TSPAN15: variants seen among roughly 807,000 people sequenced by gnomAD.
TSPAN15 encodes tetraspanin-15.
In TSPAN15, 20 loss-of-function variants were observed where a neutral mutation model predicts 34.5. That is an observed-to-expected ratio of 0.58 (90% CI 0.41 to 0.84). The LOEUF (loss-of-function observed/expected upper bound fraction) is 0.84. Among genes scored for constraint, TSPAN15 ranks in the 40% least tolerant of loss-of-function variants. The pLI is 0.00. For missense variants in TSPAN15, 313 were observed against 386.1 expected (o/e 0.81, Z 1.59); for synonymous variants, 155 against 153.9 (o/e 1.01, Z -0.05).
the TSPAN15 span, among the ~76,000 whole-genome samples, chr10:69,542,462 A>G: frequency 1.3e-5 from 2 of 152,164 alleles, no homozygotes; most frequent in African/African-American, 4.8e-5. Flanking sequence ...CCTGGTACCA[A>G]TTTACTGTAT....
the TSPAN15 span, among the ~76,000 whole-genome samples, chr10:69,539,482 G>GAGA: frequency 0.035 from 2,322 of 66,812 alleles, 103 homozygotes; most frequent in Non-Finnish European, 0.037. Context: ...GAAGGAGAAG[G>GAGA]AGAAGAAGAA....
At chr10:69,494,721 T>C in intron 3 of TSPAN15, 1 of 985,318 alleles carries the variant, frequency 1.0e-6, no homozygotes, top group Non-Finnish European at 1.2e-6. Flanking sequence ...CCCCGGGAAT[T>C]GTCTGGCTCT....
the TSPAN15 span, among the ~76,000 whole-genome samples, chr10:69,516,749 T>C: frequency 6.6e-6 from 1 of 152,168 alleles, no homozygotes; most frequent in African/African-American, 2.4e-5. Flanking sequence ...CTGCAATCAC[T>C]GAGGGTATCC....
chr10:69,539,447 A>AG, the TSPAN15 span, among the ~76,000 whole-genome samples: 1 of 38,198 alleles, frequency 2.6e-5, no homozygotes, highest in Non-Finnish European at 5.2e-5. Context: ...AGAAGGAAGA[A>AG]GAAGAAGAAG....
At chr10:69,488,915 G>A (rs575817894) in intron 3 of TSPAN15, among the ~76,000 whole-genome samples, 12 of 152,312 alleles carry the variant, frequency 7.9e-5, no homozygotes, top group Admixed American at 6.5e-4. Context: ...ACCTTCAGTG[G>A]TGCACATATT....
the TSPAN15 span, among the ~76,000 whole-genome samples, chr10:69,521,054 G>T: frequency 1.3e-5 from 2 of 152,104 alleles, no homozygotes; most frequent in East Asian, 1.9e-4. Context: ...ACCTGACTGG[G>T]CTGAGGGCTG....
intron 3 of TSPAN15, among the ~76,000 whole-genome samples, chr10:69,489,234 C>G (rs948030932): frequency 2.6e-5 from 4 of 152,222 alleles, no homozygotes; most frequent in African/African-American, 2.4e-5. Flanking sequence ...AAATATGGCT[C>G]TTTTTGCCCA....
chr10:69,455,606 T>TTCTC (rs138301836), intron 1 of TSPAN15, among the ~76,000 whole-genome samples: 4 of 110,964 alleles, frequency 3.6e-5, no homozygotes, highest in Non-Finnish European at 5.8e-5. Context: ...CTTTCTTTCT[T>TTCTC]TCTCTCTCTC....
intron 3 of TSPAN15, among the ~76,000 whole-genome samples, chr10:69,487,458 T>C (rs566435824): frequency 5.9e-5 from 9 of 151,830 alleles, no homozygotes. Context: ...TCAGCAGCTG[T>C]GAGGGGAGAG....
At chr10:69,494,839 C>T (rs1279335933) in intron 3 of TSPAN15, 15 of 985,598 alleles carry the variant, frequency 1.5e-5, no homozygotes, top group Middle Eastern at 5.2e-4. Context: ...GGGCTGCCCA[C>T]GCTCCTGCCC....
intron 3 of TSPAN15, chr10:69,494,683 G>C: frequency 1.0e-6 from 1 of 985,348 alleles, no homozygotes; most frequent in Non-Finnish European, 1.2e-6. Flanking sequence ...CCAGGATCCT[G>C]TTGTCCCAGC....
At chr10:69,519,300 G>A in the TSPAN15 span, among the ~76,000 whole-genome samples, 1 of 152,098 alleles carries the variant, frequency 6.6e-6, no homozygotes, top group South Asian at 2.1e-4. Flanking sequence ...TGCTCCTGTA[G>A]TCCCATGTTC....
Position 69,483,888 on chromosome 10 carries a change from A to G in TSPAN15, c.282+12A>G, listed in dbSNP as rs201280637. 13 of 1,609,098 alleles carry G rather than the reference A, an allele frequency of 8.1e-6. No homozygotes were observed. Among genetic ancestry groups the G allele is most frequent in the Middle Eastern group, 3.8e-4 (2 of 5,332 alleles). ...ACCTTCTCCAAGCAGTGAGTGGACCACACCACCCCTCAGCCGGGACTCCCC... is the reference window on the plus strand; with the variant it reads ...ACCTTCTCCAAGCAGTGAGTGGACCGCACCACCCCTCAGCCGGGACTCCCC... On this transcript the variant is annotated intron_variant, in intron 2 of 7. Coordinates refer to ENST00000373290, the MANE Select transcript of TSPAN15 (RefSeq NM_012339.5).
chr10:69,544,554 C>A, the TSPAN15 span, among the ~76,000 whole-genome samples: 1 of 152,228 alleles, frequency 6.6e-6, no homozygotes, highest in African/African-American at 2.4e-5. Context: ...TCCACACCTG[C>A]CCCCAGGGTA....
chr10:69,517,847 T>C, the TSPAN15 span, among the ~76,000 whole-genome samples: 1 of 151,714 alleles, frequency 6.6e-6, no homozygotes, highest in African/African-American at 2.4e-5. Flanking sequence ...GAAATAACTC[T>C]CCATTAGAGG....
intron 1 of TSPAN15, among the ~76,000 whole-genome samples, chr10:69,457,536 TG>T (rs1359045091): frequency 6.6e-6 from 1 of 151,780 alleles, no homozygotes; most frequent in Non-Finnish European, 1.5e-5. Flanking sequence ...TGGTGGGAGT[TG>T]GGGGCAAGTA....
chr10:69,459,164 T>A (rs996119987), intron 1 of TSPAN15, among the ~76,000 whole-genome samples: 2 of 149,254 alleles, frequency 1.3e-5, no homozygotes. Flanking sequence ...AACTTTTAGA[T>A]GTGAATGGGT....
At chr10:69,465,434 CA>C (rs1313242555) in intron 1 of TSPAN15, among the ~76,000 whole-genome samples, 2 of 152,168 alleles carry the variant, frequency 1.3e-5, no homozygotes, top group Non-Finnish European at 2.9e-5. Flanking sequence ...TGACTTTTTT[CA>C]GCCAGGAATT....
the TSPAN15 span, among the ~76,000 whole-genome samples, chr10:69,545,760 G>C: frequency 6.6e-6 from 1 of 152,116 alleles, no homozygotes; most frequent in Non-Finnish European, 1.5e-5. Context: ...TTCGAGACTA[G>C]CCTGGCCAAC....
Sources: allele counts gnomAD v4.1 joint callset (sites outside exome capture counted in the v4.1 genomes callset), GRCh38; gene constraint gnomAD v4.1.1; transcripts MANE v1.5; gene names NCBI Gene and HGNC (gene_info 2026-07-23, HGNC 2026-07-21).